Variants in PER3 observed in about 807,000 individuals in gnomAD.
The protein encoded by PER3 is period circadian protein homolog 3.
In PER3, 107 loss-of-function variants were observed where a neutral mutation model predicts 127.2. The ratio of observed to expected loss-of-function variants is 0.84; its 90% confidence interval spans 0.72 to 0.99. PER3 has a LOEUF of 0.99. Among genes scored for constraint, PER3 ranks in the 50% least tolerant of loss-of-function variants. The pLI is 0.00. For synonymous variants in PER3, 618 were observed against 585.8 expected, an observed-to-expected ratio of 1.05 and a Z score of -0.79; for missense variants, 1,560 against 1,525.8, an observed-to-expected ratio of 1.02 and a Z score of -0.37.
In PER3 at chr1:7,842,709, G is replaced by T; in HGVS notation, c.3587G>T (p.Gly1196Val). The change falls in exon 22 of 22, where the codon GGT becomes GTT. Residue 1196 changes from glycine to valine, a missense_variant. Physicochemically the swap from Gly to Val is moderately radical, Grantham distance 109 (BLOSUM62 -3). Coordinates refer to ENST00000377532, the MANE Select transcript of PER3 (RefSeq NM_001377275.1). The part of the protein sequence containing the change: ...VTCENEDSAD[G>V]AATSCGQVLV... ...TGTGAAAATGAAGATTCAGCTGATG[G>T]TGCGGCCACATCCTGTGGTCAGGTT... The T allele has an allele frequency of 6.2e-7, 1 of 1,613,580 alleles. No homozygotes were observed. Among genetic ancestry groups the T allele is most frequent in the Admixed American group, 1.7e-5 (1 of 60,002 alleles).
chr1:7,829,603 A>G (rs2097319966), intron 18 of PER3, among the ~76,000 whole-genome samples: 1 of 152,240 alleles, frequency 6.6e-6, no homozygotes, highest in South Asian at 2.1e-4. Flanking sequence ...GATGATTCCT[A>G]TCACAGGCTG....
rs60458932 is a variant in PER3, at chr1:7,806,810, A to ATATATATATATATAT, written c.1137-2083_1137-2082insTATATATATATATAT. Among the ~76,000 whole-genome samples, 31 of 75,228 alleles carry ATATATATATATATAT rather than the reference A, an allele frequency of 4.1e-4. No homozygotes were observed. In the East Asian group the frequency reaches 4.5e-3, roughly 11 times the overall value. 49.4% of individuals were successfully genotyped at this position (75,228 alleles called of 152,430 possible). On this transcript the variant is annotated intron_variant, in intron 10 of 21. Coordinates refer to ENST00000377532, the MANE Select transcript of PER3 (RefSeq NM_001377275.1). ...CCCTGTCTCTTAAAAAAAAAAAAAAAAAATATATATATATATATATATATA... is the reference window on the plus strand; with the variant it reads ...CCCTGTCTCTTAAAAAAAAAAAAAAATATATATATATATATAAATATATATATATATATATATATA...
At chr1:7,835,294 A>G (rs1191367284) in intron 19 of PER3, among the ~76,000 whole-genome samples, 2 of 152,228 alleles carry the variant, frequency 1.3e-5, no homozygotes, top group Non-Finnish European at 2.9e-5. Flanking sequence ...AGGTAAGAAC[A>G]AAGTCAATAA....
chr1:7,791,360 G>A (rs903632224), intron 5 of PER3, among the ~76,000 whole-genome samples: 2 of 152,256 alleles, frequency 1.3e-5, no homozygotes, highest in African/African-American at 4.8e-5. Flanking sequence ...GCTATGGCCT[G>A]AGCTGTACCT....
At chr1:7,842,098 A>T (rs1335283027) in intron 21 of PER3, among the ~76,000 whole-genome samples, 1 of 152,170 alleles carries the variant, frequency 6.6e-6, no homozygotes, top group Non-Finnish European at 1.5e-5. Context: ...GTACCATAAA[A>T]ATGTGGTAGG....
chr1:7,821,830 T>G (rs1183960218), intron 16 of PER3, among the ~76,000 whole-genome samples: 1 of 152,252 alleles, frequency 6.6e-6, no homozygotes. Context: ...AAAACATATC[T>G]CTATGTCTTT....
chr1:7,795,012 G>A (rs989691030), intron 6 of PER3, among the ~76,000 whole-genome samples: 21 of 152,118 alleles, frequency 1.4e-4, no homozygotes, highest in Non-Finnish European at 2.8e-4. Flanking sequence ...GATGTTTAGA[G>A]AGAAGAAAAA....
chr1:7,834,025 C>G (rs1432523379), intron 19 of PER3, among the ~76,000 whole-genome samples: 1 of 152,118 alleles, frequency 6.6e-6, no homozygotes, highest in Non-Finnish European at 1.5e-5. Context: ...TAGGTTCAAG[C>G]AATTCTCCTG....
In PER3 at chr1:7,834,423, A is replaced by G. The variant is rs558637424; in HGVS notation, c.3215-1339A>G. 5.9e-5 allele frequency among the ~76,000 whole-genome samples: 9 copies of G among 152,024 alleles called. 1 individual carries two copies. Among genetic ancestry groups the G allele is most frequent in the African/African-American group, 2.2e-4 (9 of 41,440 alleles). On this transcript the variant is annotated intron_variant, in intron 19 of 21. Coordinates refer to ENST00000377532, the MANE Select transcript of PER3 (RefSeq NM_001377275.1). ...ATTATTTTTGCTTTAAACAGTAACA[A>G]CCTCTTAAAGTTGTTTTGTGTGAGT...
At chr1:7,785,101 C>G (rs978915141) in intron 2 of PER3, 96 bp downstream of exon 2, 5 of 1,361,924 alleles carry the variant, frequency 3.7e-6, no homozygotes, top group African/African-American at 1.5e-5. Flanking sequence ...CTTTTGTTTT[C>G]AAGCCCAGGG....
intron 7 of PER3, among the ~76,000 whole-genome samples, 165 bp downstream of exon 7, chr1:7,798,838 G>A (rs1187499599): frequency 6.6e-6 from 1 of 152,176 alleles, no homozygotes; most frequent in Non-Finnish European, 1.5e-5. Flanking sequence ...TCTGTTTACT[G>A]ACTTTTAGCT....
intron 5 of PER3, among the ~76,000 whole-genome samples, chr1:7,789,620 T>A (rs1558382459): frequency 6.6e-6 from 1 of 152,234 alleles, no homozygotes; most frequent in Non-Finnish European, 1.5e-5. Context: ...ACCATCTTAA[T>A]CATTTTTAGG....
Position 7,826,645 on chromosome 1 carries a change from C to T in PER3, c.2123C>T (p.Ser708Leu), listed in dbSNP as rs139494306. 1.3e-5 allele frequency: 21 copies of T among 1,613,340 alleles called. No individual in the cohort carries two copies. The African/African-American group carries it at 1.3e-4, about 10-fold the overall frequency. The change falls in exon 17 of 22, where the codon TCA (serine) becomes TTA (leucine). Residue 708 changes from serine (S) to leucine (L), a missense_variant. By Grantham distance (145) the Ser-to-Leu change is moderately radical. Coordinates refer to ENST00000377532, the MANE Select transcript of PER3 (RefSeq NM_001377275.1). This position sits in a 1 kb window ranked among gnomAD's most constrained non-coding sequence, Gnocchi z 4.2. ...GATAAATTCCGAGAAAAGATCCTGT[C>T]ATCACCCTACAGCTCCTATCTTCAG... Reference protein sequence around the residue: ...YVDKFREKILSSPYSSYLQQE... With the variant: ...YVDKFREKILLSPYSSYLQQE...
At chr1:7,805,773 C>T (rs1048598458) in intron 10 of PER3, among the ~76,000 whole-genome samples, 1 of 152,148 alleles carries the variant, frequency 6.6e-6, no homozygotes, top group Admixed American at 6.5e-5. Context: ...CTGTGTTCCC[C>T]AGCCCCAGTC....
At chr1:7,811,795 C>T (rs1418098323) in intron 13 of PER3, among the ~76,000 whole-genome samples, 1 of 152,176 alleles carries the variant, frequency 6.6e-6, no homozygotes, top group African/African-American at 2.4e-5. Flanking sequence ...CACACACATT[C>T]AAACCATAGT....
intron 6 of PER3, among the ~76,000 whole-genome samples, chr1:7,797,635 T>A (rs2097151464): frequency 7.0e-6 from 1 of 142,126 alleles, no homozygotes. Flanking sequence ...GACTCCGTCT[T>A]TAAAAAAAAA....
At chr1:7,799,643 A>G (rs1462757303) in intron 7 of PER3, among the ~76,000 whole-genome samples, 1 of 151,284 alleles carries the variant, frequency 6.6e-6, no homozygotes, top group East Asian at 1.9e-4. Context: ...TAATCATTTC[A>G]TGCATGTTAA....
At chr1:7,802,527 A>G (rs1450195958) in intron 8 of PER3, among the ~76,000 whole-genome samples, 1 of 152,188 alleles carries the variant, frequency 6.6e-6, no homozygotes, top group Non-Finnish European at 1.5e-5. Flanking sequence ...AGCCTCCCAA[A>G]GTGCTGGGAT....
At chr1:7,828,120 G>A (rs1371966446) in intron 18 of PER3, among the ~76,000 whole-genome samples, 4 of 152,118 alleles carry the variant, frequency 2.6e-5, no homozygotes, top group African/African-American at 9.7e-5. Context: ...TTCGTTACAG[G>A]TATTACGCTT....
Sources: allele counts gnomAD v4.1 joint callset (sites outside exome capture counted in the v4.1 genomes callset), GRCh38; gene constraint gnomAD v4.1.1; non-coding constraint Gnocchi (gnomAD v3.1); transcripts MANE v1.5; gene names NCBI Gene and HGNC (gene_info 2026-07-23, HGNC 2026-07-21).